The following ZNF93 variants were observed in gnomAD, a reference collection of about 807,000 sequenced individuals.
The protein encoded by ZNF93 is zinc finger protein 505.
ZNF93 carries 29 observed loss-of-function variants against 45.0 expected under a neutral mutation model. The observed-to-expected ratio is 0.64, with a 90% CI of 0.48 to 0.88. The LOEUF (loss-of-function observed/expected upper bound fraction) is 0.88. Among genes scored for constraint, ZNF93 ranks in the 40% least tolerant of loss-of-function variants. The probability of loss-of-function intolerance (pLI) is 0.00; values close to 1 mark genes in which losing one functional copy is unlikely to be tolerated. For synonymous variants in ZNF93, 223 were observed against 244.6 expected (o/e 0.91, Z 0.82); for missense variants, 578 against 724.0 (o/e 0.80, Z 2.31).
chr19:19,920,409 CTT>C (rs1283422100), intron 3 of ZNF93, among the ~76,000 whole-genome samples: 1 of 152,090 alleles, frequency 6.6e-6, no homozygotes, highest in Non-Finnish European at 1.5e-5. Context: ...CTAAAATTCT[CTT>C]TTTTTGTTGT....
chr19:19,914,215 C>T (rs1200680199), intron 1 of ZNF93, among the ~76,000 whole-genome samples: 1 of 151,828 alleles, frequency 6.6e-6, no homozygotes, highest in African/African-American at 2.4e-5. Context: ...AAAGCCTCCA[C>T]TCGTGTTCCA....
intron 3 of ZNF93, among the ~76,000 whole-genome samples, chr19:19,922,383 T>C (rs2063344587): frequency 6.6e-6 from 1 of 152,230 alleles, no homozygotes; most frequent in East Asian, 1.9e-4. Flanking sequence ...TTTTCCTTCA[T>C]TTCAACTTTG....
rs2063387099 is a variant in ZNF93 at position 19,934,605 on chromosome 19, A to G, written c.1650A>G (p.Thr550=). ...GTGGCAAAGCTTTTCACCTATCCAC[A>G]CACCTTACTACACATAAGATACTTC... ...EECGKAFHLS[T]HLTTHKILHT... is the part of the protein sequence containing the mutation. The change falls in exon 4 of 4, where the codon ACA becomes ACG. Residue 550 remains threonine (T), a synonymous_variant. Transcript: ENST00000343769. The G allele has an allele frequency of 6.2e-7, 1 of 1,613,744 alleles. No homozygotes were observed. Among genetic ancestry groups the G allele is most frequent in the Admixed American group, 1.7e-5 (1 of 59,980 alleles).
intron 2 of ZNF93, 138 bp downstream of exon 2, chr19:19,915,544 G>A (rs2063321272): frequency 3.2e-6 from 4 of 1,266,642 alleles, no homozygotes; most frequent in Non-Finnish European, 4.2e-6. Flanking sequence ...TTCAGAATTT[G>A]TTCATTTAGA....
In ZNF93 at chr19:19,933,773, C is replaced by A. The variant is rs139974656; in HGVS notation, c.818C>A (p.Thr273Asn). The A allele has an allele frequency of 0.015, 23,607 of 1,610,150 alleles. 235 individuals carry two copies. Among genetic ancestry groups the A allele is most frequent in the Non-Finnish European group, 0.018 (20,981 of 1,178,834 alleles). Residue 273 changes from threonine to asparagine, a missense_variant, in exon 4 of 4, where the codon ACT becomes AAT. Around this residue, in one of 3 missense-constraint regions of ZNF93, gnomAD observed 446 missense variants for 547.6 expected, o/e 0.81. Transcript: ENST00000343769. Reference sequence around the variant, plus strand: ...GCTTTTAACCAATCCTCGACACTTACTAAACATAAGAAAATTCATACTGGA... The same window carrying A: ...GCTTTTAACCAATCCTCGACACTTAATAAACATAAGAAAATTCATACTGGA... ...GKAFNQSSTLTKHKKIHTGEK... is the reference protein window; with the variant it reads ...GKAFNQSSTLNKHKKIHTGEK...
At chr19:19,910,779 C>A (rs1212697408) in intron 1 of ZNF93, among the ~76,000 whole-genome samples, 1 of 151,888 alleles carries the variant, frequency 6.6e-6, no homozygotes, top group East Asian at 1.9e-4. Context: ...GTGGATCCTA[C>A]CTGGAATCTG....
At chr19:19,901,441 C>T (rs1317824489) in intron 1 of ZNF93, among the ~76,000 whole-genome samples, 21 of 152,096 alleles carry the variant, frequency 1.4e-4, no homozygotes, top group Admixed American at 1.4e-3. Flanking sequence ...ATGGGAAGAG[C>T]TTTAGTGGGT....
intron 1 of ZNF93, among the ~76,000 whole-genome samples, chr19:19,905,173 C>T (rs1429280910): frequency 6.6e-6 from 1 of 152,146 alleles, no homozygotes; most frequent in Non-Finnish European, 1.5e-5. Context: ...TCAGTCCTTT[C>T]ACCTACATTG....
At chr19:19,921,607 C>A (rs529894945) in intron 3 of ZNF93, among the ~76,000 whole-genome samples, 20 of 152,180 alleles carry the variant, frequency 1.3e-4, no homozygotes, top group African/African-American at 3.9e-4. Flanking sequence ...TAAGGACTTG[C>A]TTTATGAATC....
chr19:19,927,080 C>T, intron 3 of ZNF93: 1 of 397,998 alleles, frequency 2.5e-6, no homozygotes. Flanking sequence ...TAAAATTTAC[C>T]ATCTTAAATT....
rs780917550 is a variant in ZNF93 at position 19,933,288 on chromosome 19, A to G, written c.333A>G (p.Leu111=). ...RRYEKRGHGN[L]QLIKRCESVD... ...ATGAAAAACGTGGACATGGAAATTT[A>G]CAGTTAATAAAAAGGTGTGAAAGTG... The change falls in exon 4 of 4, where the codon TTA becomes TTG. Residue 111 remains leucine, a synonymous_variant. Coordinates refer to ENST00000343769, the MANE Select transcript of ZNF93 (RefSeq NM_031218.4). The G allele has an allele frequency of 3.1e-6, 5 of 1,612,128 alleles. No individual in the cohort carries two copies. The South Asian group carries it at 4.4e-5, about 14-fold the overall frequency.
intron 1 of ZNF93, among the ~76,000 whole-genome samples, chr19:19,907,555 T>C (rs933080252): frequency 1.3e-5 from 2 of 151,734 alleles, no homozygotes; most frequent in African/African-American, 4.8e-5. Context: ...TTTTCTTTTT[T>C]TTTTTTTTTG....
intron 3 of ZNF93, among the ~76,000 whole-genome samples, chr19:19,921,882 C>G (rs999428416): frequency 3.9e-5 from 6 of 152,064 alleles, no homozygotes; most frequent in African/African-American, 1.2e-4. Context: ...ACTGATGGGT[C>G]TTGACTCTTT....
intron 2 of ZNF93, among the ~76,000 whole-genome samples, chr19:19,916,162 G>A (rs2063322952): frequency 6.6e-6 from 1 of 151,398 alleles, no homozygotes. Context: ...CGACTCCCAG[G>A]TTCAAGCAAT....
chr19:19,932,497 A>G (rs529115152), intron 3 of ZNF93: 11 of 152,200 alleles, frequency 7.2e-5, no homozygotes, highest in African/African-American at 2.4e-4. Context: ...TGTCATCAAT[A>G]TTTATCTTAA....
intron 2 of ZNF93, among the ~76,000 whole-genome samples, chr19:19,916,289 A>G (rs186828065): frequency 5.0e-4 from 76 of 151,544 alleles, no homozygotes; most frequent in East Asian, 1.7e-3. Flanking sequence ...CTGGTCTCCA[A>G]CTCCTGACTT....
intron 1 of ZNF93, among the ~76,000 whole-genome samples, chr19:19,902,464 G>T (rs2063276271): frequency 6.6e-6 from 1 of 151,942 alleles, no homozygotes; most frequent in South Asian, 2.1e-4. Context: ...CTCCATGTTG[G>T]TCAGGCTGGT....
rs561172031 is a variant in ZNF93 at position 19,934,865 on chromosome 19, C to T, written c.*47C>T. 2.2e-5 allele frequency: 34 copies of T among 1,545,270 alleles called. No individual in the cohort carries two copies. In the East Asian group the frequency reaches 7.6e-4, roughly 35 times the overall value. The stretch of plus-strand genomic sequence containing the variant: ...GCCTTCAAGTGGTCCTCACACCTTA[C>T]TATACACTGAGAGTTCTGAACTTAC... On this transcript the variant is annotated 3_prime_UTR_variant, in exon 4 of 4. Transcript: ENST00000343769.
rs777127539 is a variant in ZNF93 at position 19,901,122 on chromosome 19, C to A, written c.3+31C>A. 1.3e-5 allele frequency: 21 copies of A among 1,613,022 alleles called. No homozygotes were observed. In the African/African-American group the frequency reaches 2.5e-4, roughly 19 times the overall value. On this transcript the variant is annotated intron_variant, in intron 1 of 3. Coordinates refer to ENST00000343769, the MANE Select transcript of ZNF93 (RefSeq NM_031218.4). Reference sequence around the variant, plus strand: ...AGTGCCGGTCCGACATCCCAAGCGACGGGGAGGGGCTGGTTGGAACCGGTG... The same window carrying A: ...AGTGCCGGTCCGACATCCCAAGCGAAGGGGAGGGGCTGGTTGGAACCGGTG...
Sources: gnomAD v4.1 joint callset for allele counts (sites outside exome capture counted in the v4.1 genomes callset) on GRCh38, gnomAD v4.1.1 for gene constraint, gnomAD v4.1.1 regional missense constraint, MANE v1.5 for transcripts, NCBI Gene and HGNC (gene_info 2026-07-23, HGNC 2026-07-21) for gene names.